C14orf39: variants seen among roughly 807,000 people sequenced by gnomAD.
C14orf39 encodes protein SIX6OS1.
A neutral mutation model predicts 85.6 loss-of-function variants in C14orf39; 66 were observed. The ratio of observed to expected loss-of-function variants is 0.77; its 90% confidence interval spans 0.63 to 0.95. The LOEUF (loss-of-function observed/expected upper bound fraction) is 0.95, where lower values mean the gene tolerates loss of function less well. C14orf39 is among the 40% of genes least tolerant of loss of function. The pLI is 0.00. For synonymous variants in C14orf39, 242 were observed against 214.0 expected, an observed-to-expected ratio of 1.13 and a Z score of -1.14; for missense variants, 735 against 663.9, an observed-to-expected ratio of 1.11 and a Z score of -1.18.
At chr14:60,454,963 G>C (rs572355030) in intron 16 of C14orf39, 38 bp downstream of exon 16, 5 of 1,440,516 alleles carry the variant, frequency 3.5e-6, no homozygotes, top group Non-Finnish European at 4.6e-6. Context: ...TTTCACAGCA[G>C]AATTTTTAGA....
rs144331379 is a variant in C14orf39, at chr14:60,473,716, T to C, written c.324-1977A>G. Among the ~76,000 whole-genome samples, 846 of 152,320 alleles carry C rather than the reference T, an allele frequency of 5.6e-3. 2 individuals are homozygous for C. The highest frequency in any genetic ancestry group is 0.018 in the African/African-American group (759 of 41,576). ...TTGTCAAAGATCAGATAGTTGTAGA[T>C]ATGCGGCATTATTTCTCAGGGCTCT... On this transcript the variant is annotated intron_variant, in intron 5 of 17. Coordinates refer to ENST00000321731, the MANE Select transcript of C14orf39 (RefSeq NM_174978.3).
chr14:60,496,361 G>A, intron 2 of C14orf39: 1 of 344,018 alleles, frequency 2.9e-6, no homozygotes. Context: ...ATTTGTGTTG[G>A]CCACTTTCCC....
In C14orf39 at chr14:60,461,347, C is replaced by T. The variant is rs1247626310; in HGVS notation, c.1117+7G>A. The T allele has an allele frequency of 6.2e-7, 1 of 1,608,648 alleles. No individual in the cohort carries two copies. Among genetic ancestry groups the T allele is most frequent in the Admixed American group, 1.7e-5 (1 of 59,738 alleles). ...CTTCTTAGAAGAAAAATATAAACGG[C>T]AAATACCTTTATCCCCTTTTTCCGA... On this transcript the variant is annotated splice_region_variant and intron_variant, in intron 13 of 17. Transcript: ENST00000321731.
At chr14:60,510,874 A>C (rs1391646441) in intron 1 of C14orf39, among the ~76,000 whole-genome samples, 1 of 152,258 alleles carries the variant, frequency 6.6e-6, no homozygotes, top group Non-Finnish European at 1.5e-5. Context: ...GGCGCGAATC[A>C]TGGTGGGGCA....
intron 1 of C14orf39, among the ~76,000 whole-genome samples, chr14:60,505,978 TC>T (rs1442438592): frequency 6.6e-6 from 1 of 152,152 alleles, no homozygotes; most frequent in Non-Finnish European, 1.5e-5. Context: ...GCCTCAGAAT[TC>T]CCTGGGGGCA....
At chr14:60,466,762 G>T (rs1891807760) in intron 10 of C14orf39, among the ~76,000 whole-genome samples, 155 bp downstream of exon 10, 1 of 151,720 alleles carries the variant, frequency 6.6e-6, no homozygotes, top group African/African-American at 2.4e-5. Flanking sequence ...TATTTTGTTT[G>T]CTCTCAGAAA....
intron 17 of C14orf39, among the ~76,000 whole-genome samples, chr14:60,440,156 C>A (rs1890440887): frequency 6.6e-6 from 1 of 152,174 alleles, no homozygotes; most frequent in Admixed American, 6.5e-5. Flanking sequence ...TCATTCTGAT[C>A]TCATAGCATT....
rs999196144 is a variant in C14orf39 at position 60,511,531 on chromosome 14, C to A, written c.-144+3864G>T. On this transcript the variant is annotated intron_variant, in intron 1 of 5. Transcript: ENST00000556799. ...CCTAAGGATTTTGCTGCAAAGTCTCCTTCGGAACCCGAACTGCAAGCTGAG... is the reference window on the plus strand; with the variant it reads ...CCTAAGGATTTTGCTGCAAAGTCTCATTCGGAACCCGAACTGCAAGCTGAG... The A allele has an allele frequency of 8.8e-6, 5 of 565,170 alleles. No homozygotes were observed. In the South Asian group the frequency reaches 1.0e-4, roughly 12 times the overall value. 35.0% of individuals were successfully genotyped at this position (565,170 alleles called of 1,614,324 possible).
chr14:60,470,595 C>T (rs1892029921), intron 7 of C14orf39, among the ~76,000 whole-genome samples: 1 of 151,756 alleles, frequency 6.6e-6, no homozygotes. Flanking sequence ...CTTGCTATAC[C>T]AGCGTCTACT....
intron 16 of C14orf39, among the ~76,000 whole-genome samples, chr14:60,444,246 T>G (rs973085561): frequency 3.9e-5 from 6 of 152,118 alleles, no homozygotes; most frequent in Admixed American, 6.6e-5. Context: ...AATAACAAAC[T>G]TCTACGAGCT....
intron 1 of C14orf39, among the ~76,000 whole-genome samples, chr14:60,504,514 C>T (rs140175384): frequency 2.0e-3 from 310 of 152,298 alleles, no homozygotes; most frequent in Non-Finnish European, 3.4e-3. Context: ...TAACCTGCTG[C>T]TGTGAAAAAA....
intron 7 of C14orf39, among the ~76,000 whole-genome samples, chr14:60,470,114 C>G (rs1479862451): frequency 6.6e-6 from 1 of 151,538 alleles, no homozygotes; most frequent in Non-Finnish European, 1.5e-5. Context: ...CAAAATCGAC[C>G]AAATTTCCCT....
At chr14:60,507,988 TG>T (rs1186688503) in intron 1 of C14orf39, among the ~76,000 whole-genome samples, 1 of 152,042 alleles carries the variant, frequency 6.6e-6, no homozygotes, top group African/African-American at 2.4e-5. Context: ...GACTGCCAAT[TG>T]GGAATCAATA....
chr14:60,506,384 C>T (rs1221338151), intron 1 of C14orf39, among the ~76,000 whole-genome samples: 1 of 152,152 alleles, frequency 6.6e-6, no homozygotes, highest in East Asian at 1.9e-4. Flanking sequence ...AAAGCCAGCC[C>T]GAAGTCACAG....
upstream of C14orf39, among the ~76,000 whole-genome samples, chr14:60,489,599 C>G (rs1425193079): frequency 6.6e-6 from 1 of 152,174 alleles, no homozygotes; most frequent in Admixed American, 6.5e-5. Context: ...GGAACTCTCT[C>G]TCCTCTTACC....
chr14:60,442,568 T>A (rs774306247), intron 16 of C14orf39, among the ~76,000 whole-genome samples: 27 of 152,172 alleles, frequency 1.8e-4, no homozygotes, highest in Non-Finnish European at 2.8e-4. Context: ...ACAGCATAGT[T>A]TTCTGTGCAC....
chr14:60,496,405 T>C, intron 2 of C14orf39: 1 of 324,220 alleles, frequency 3.1e-6, no homozygotes, highest in Non-Finnish European at 6.2e-6. Context: ...GGGGTGTGGG[T>C]GGCAGGGCAG....
At chr14:60,477,975 C>T (rs572344091) in intron 5 of C14orf39, among the ~76,000 whole-genome samples, 4 of 151,950 alleles carry the variant, frequency 2.6e-5, no homozygotes, top group East Asian at 1.9e-4. Flanking sequence ...GTCAGGAGAT[C>T]GAGACCATCC....
chr14:60,458,279 C>G (rs80263154), intron 14 of C14orf39, among the ~76,000 whole-genome samples: 3,245 of 152,036 alleles, frequency 0.021, 61 homozygotes, highest in Admixed American at 0.027. Flanking sequence ...TTCTTCCCCA[C>G]TACCCTTCCT....
Sources: gnomAD v4.1 joint callset for allele counts (sites outside exome capture counted in the v4.1 genomes callset) on GRCh38, gnomAD v4.1.1 for gene constraint, MANE v1.5 for transcripts, NCBI Gene and HGNC (gene_info 2026-07-23, HGNC 2026-07-21) for gene names.